Variants in TOGARAM1 observed in about 807,000 individuals in gnomAD.
The protein encoded by TOGARAM1 is TOG array regulator of axonemal microtubules protein 1.
Under a neutral mutation model 166.6 loss-of-function variants are expected in TOGARAM1, and 100 were observed. The observed-to-expected ratio is 0.60, with a 90% CI of 0.51 to 0.71. TOGARAM1 has a LOEUF of 0.71. Among genes scored for constraint, TOGARAM1 ranks in the 30% least tolerant of loss-of-function variants. The pLI is 0.00. For synonymous variants in TOGARAM1, 758 were observed against 763.8 expected (o/e 0.99, Z 0.13); for missense variants, 2,029 against 2,102.7 (o/e 0.96, Z 0.69).
intron 16 of TOGARAM1, among the ~76,000 whole-genome samples, chr14:45,055,065 A>G (rs1474335808): frequency 6.6e-6 from 1 of 152,124 alleles, no homozygotes; most frequent in Non-Finnish European, 1.5e-5. Context: ...AAAAAATACA[A>G]AAATTAGCCG....
chr14:45,040,010 C>T (rs1881644679), intron 11 of TOGARAM1, among the ~76,000 whole-genome samples: 1 of 152,172 alleles, frequency 6.6e-6, no homozygotes, highest in Admixed American at 6.5e-5. Context: ...CCTACAGCAG[C>T]AGAATTCACA....
At chr14:45,061,200 A>G (rs1055552289) in intron 16 of TOGARAM1, among the ~76,000 whole-genome samples, 1 of 152,220 alleles carries the variant, frequency 6.6e-6, no homozygotes, top group Non-Finnish European at 1.5e-5. Flanking sequence ...TCTGTGGGGT[A>G]TAATCAATCG....
chr14:45,021,740 A>C (rs1231323613), intron 7 of TOGARAM1, among the ~76,000 whole-genome samples: 2 of 152,182 alleles, frequency 1.3e-5, no homozygotes. Context: ...GGGATGGGGA[A>C]TCAGAAGGAA....
chr14:45,005,985 TA>T, intron 4 of TOGARAM1, 22 bp from the exon 5 acceptor site: 1 of 1,523,656 alleles, frequency 6.6e-7, no homozygotes, highest in Non-Finnish European at 8.8e-7. Flanking sequence ...AAAGAAAAAG[TA>T]AAATATCTAT....
intron 7 of TOGARAM1, among the ~76,000 whole-genome samples, chr14:45,021,800 T>C (rs1039383737): frequency 6.6e-6 from 1 of 152,158 alleles, no homozygotes; most frequent in African/African-American, 2.4e-5. Context: ...CCTTTCCCTC[T>C]TCTCAGGGAC....
intron 16 of TOGARAM1, among the ~76,000 whole-genome samples, chr14:45,062,594 C>T (rs1334700708): frequency 6.6e-6 from 1 of 152,138 alleles, no homozygotes; most frequent in Non-Finnish European, 1.5e-5. Flanking sequence ...TTCAACCTTA[C>T]AATGGTGCAA....
chr14:45,022,347 G>T (rs1880570124), intron 7 of TOGARAM1, among the ~76,000 whole-genome samples: 1 of 149,502 alleles, frequency 6.7e-6, no homozygotes, highest in African/African-American at 2.5e-5. Context: ...GGGTATGTGG[G>T]TAAAATCTAG....
intron 14 of TOGARAM1, among the ~76,000 whole-genome samples, chr14:45,051,216 A>C (rs1163563345): frequency 3.9e-5 from 6 of 152,232 alleles, no homozygotes; most frequent in African/African-American, 1.2e-4. Flanking sequence ...TTTATCAACT[A>C]ACCTTGGGTG....
At chr14:44,989,542 C>G (rs993085771) in intron 1 of TOGARAM1, among the ~76,000 whole-genome samples, 5 of 148,852 alleles carry the variant, frequency 3.4e-5, no homozygotes, top group African/African-American at 1.3e-4. Context: ...CAGCCTATAT[C>G]AGTACATTAA....
At chr14:45,025,563 CA>C (rs1413248103) in intron 7 of TOGARAM1, 29,203 of 228,018 alleles carry the variant, frequency 0.13, 2 homozygotes, top group South Asian at 0.18. Context: ...GACTCCATCT[CA>C]AAAAAAAAAA....
chr14:45,000,286 A>G (rs758331867), intron 3 of TOGARAM1, among the ~76,000 whole-genome samples: 1 of 152,146 alleles, frequency 6.6e-6, no homozygotes, highest in Non-Finnish European at 1.5e-5. Context: ...GGCATGAGCC[A>G]CTGTGCCCGG....
chr14:45,052,621 C>T, intron 15 of TOGARAM1, 59 bp downstream of exon 15: 3 of 1,445,736 alleles, frequency 2.1e-6, no homozygotes, highest in South Asian at 2.6e-5. Flanking sequence ...TTTTTACATC[C>T]AGGTAAAGGA....
rs772899676 is a variant in TOGARAM1 at position 45,044,761 on chromosome 14, G to T, written c.4045G>T (p.Gly1349Cys). ...AGTAAAAGTTTTGTTGCACAAGGCTGGTGAATCAAATACATTTATAAGAGA... is the reference window on the plus strand; with the variant it reads ...AGTAAAAGTTTTGTTGCACAAGGCTTGTGAATCAAATACATTTATAAGAGA... ...TTVKVLLHKA[G>C]ESNTFIREDV... Residue 1349 changes from glycine (G) to cysteine (C), a missense_variant, in exon 13 of 20, where the codon GGT (glycine) becomes TGT (cysteine). This residue lies in a region of TOGARAM1 where 576 missense variants were observed against 670.5 expected (regional missense o/e 0.86). Coordinates refer to ENST00000361462, the MANE Select transcript of TOGARAM1 (RefSeq NM_001308120.2). The T allele has an allele frequency of 1.2e-6, 2 of 1,613,902 alleles. No individual in the cohort carries two copies. The highest frequency in any genetic ancestry group is 1.7e-6 in the Non-Finnish European group (2 of 1,179,914).
intron 13 of TOGARAM1, among the ~76,000 whole-genome samples, chr14:45,045,541 G>GTGTGTGTGTA (rs1555350505): frequency 2.0e-5 from 1 of 50,370 alleles, no homozygotes; most frequent in African/African-American, 1.1e-4. Context: ...TGGTCTGTGT[G>GTGTGTGTGTA]TGTATATATA....
At chr14:45,052,375 G>T in intron 14 of TOGARAM1, 61 bp from the exon 15 acceptor site, 6 of 1,450,946 alleles carry the variant, frequency 4.1e-6, no homozygotes, top group Non-Finnish European at 5.7e-6. Context: ...TGCATCTAAG[G>T]TCAGCAACTG....
chr14:45,017,918 T>C (rs1358268049), intron 7 of TOGARAM1, among the ~76,000 whole-genome samples: 1 of 152,084 alleles, frequency 6.6e-6, no homozygotes, highest in East Asian at 1.9e-4. Flanking sequence ...TTAAGAATGG[T>C]TTTTTTAAAC....
chr14:45,035,685 A>G (rs563075604), intron 11 of TOGARAM1, among the ~76,000 whole-genome samples: 1 of 152,328 alleles, frequency 6.6e-6, no homozygotes, highest in Non-Finnish European at 1.5e-5. Flanking sequence ...GACATTACAT[A>G]TAGAACAAAG....
At chr14:45,037,278 G>A (rs1310476135) in intron 11 of TOGARAM1, among the ~76,000 whole-genome samples, 1 of 152,178 alleles carries the variant, frequency 6.6e-6, no homozygotes, top group Non-Finnish European at 1.5e-5. Context: ...CTCTTTTAAG[G>A]GAGGTAAAGC....
Position 45,044,519 on chromosome 14 carries a change from C to T in TOGARAM1, c.3919-116C>T, listed in dbSNP as rs560957994. ...TCATGCTACTGCACTCCAGCCTGGT[C>T]GACAGAGCGAGACCCTAACTCAAAA... On this transcript the variant is annotated intron_variant, in intron 12 of 19. Coordinates refer to ENST00000361462, the MANE Select transcript of TOGARAM1 (RefSeq NM_001308120.2). 1,041 of 715,474 alleles carry T rather than the reference C, an allele frequency of 1.5e-3. 2 individuals are homozygous for T. Among genetic ancestry groups the T allele is most frequent in the Non-Finnish European group, 2.1e-3 (945 of 449,186 alleles). The allele number at this position is 715,474 out of a possible 1,614,324, so 44.3% of individuals were successfully genotyped here.
Sources: gnomAD v4.1 joint callset for allele counts (sites outside exome capture counted in the v4.1 genomes callset) on GRCh38, gnomAD v4.1.1 for gene constraint, gnomAD v4.1.1 regional missense constraint, MANE v1.5 for transcripts, NCBI Gene and HGNC (gene_info 2026-07-23, HGNC 2026-07-21) for gene names.